Variants in ACAP3 observed in about 807,000 individuals in gnomAD.
ACAP3 encodes the protein ArfGAP with coiled-coil, ankyrin repeat and PH domains 3, also known as arf-GAP with coiled-coil, ANK repeat and PH domain-containing protein 3.
In ACAP3, 56 loss-of-function variants were observed where a neutral mutation model predicts 104.1. The observed-to-expected ratio is 0.54, with a 90% CI of 0.43 to 0.67. ACAP3 has a LOEUF of 0.67. Among genes scored for constraint, ACAP3 ranks in the 30% least tolerant of loss-of-function variants. The pLI is 0.00. For synonymous variants in ACAP3, 628 were observed against 496.2 expected (o/e 1.27, Z -3.53); for missense variants, 1,208 against 1,174.9 (o/e 1.03, Z -0.41).
At chr1:1,296,737 C>CA in intron 14 of ACAP3, 104 bp from the exon 15 acceptor site, 1 of 1,261,704 alleles carries the variant, frequency 7.9e-7, no homozygotes, top group Admixed American at 2.1e-5. Flanking sequence ...GGCCAGGGCC[C>CA]CTCGAGCACA....
intron 18 of ACAP3, 66 bp downstream of exon 18, chr1:1,295,670 C>T (rs2100408171): frequency 6.4e-7 from 1 of 1,552,558 alleles, no homozygotes; most frequent in Non-Finnish European, 8.7e-7. Flanking sequence ...GCCACCAGCC[C>T]CTTGACGGAG....
chr1:1,293,491 G>A lies in ACAP3; in HGVS notation c.*73C>T. 1 of 1,331,130 alleles carries A rather than the reference G, an allele frequency of 7.5e-7. No individual in the cohort carries two copies. Among genetic ancestry groups the A allele is most frequent in the Non-Finnish European group, 9.6e-7 (1 of 1,045,672 alleles). 82.5% of individuals were successfully genotyped at this position (1,331,130 alleles called of 1,614,324 possible). A position where few individuals can be genotyped will look rare whatever the true frequency, so the allele number is the denominator to read the frequency against. ...GGGTCACACGCAGGGCCGCGGCCGG[G>A]TGGGCGCCAGGGACTTCGGGGCATG... On this transcript the variant is annotated 3_prime_UTR_variant, in exon 24 of 24. Transcript: ENST00000354700.
rs1275932668 is a variant in ACAP3 at position 1,296,262 on chromosome 1, G to A, written c.1356C>T (p.Cys452=). ...SGIHRSLGVH[C]SKVRSLTLDS... ...CCAGCGTCAGGGACCGCACCTTGGA[G>A]CAGTGGACACCCAGGCTCCTGGAGA... The change falls in exon 16 of 24, where the codon TGC becomes TGT. Residue 452 remains cysteine (C), a synonymous_variant. Transcript: ENST00000354700. 1.9e-6 allele frequency: 3 copies of A among 1,560,210 alleles called. No homozygotes were observed. Among genetic ancestry groups the A allele is most frequent in the Non-Finnish European group, 2.6e-6 (3 of 1,152,370 alleles).
At position 1,303,993 on chromosome 1, in the gene ACAP3, T is replaced by G; in HGVS notation, c.105+93A>C. ...ACACGCATGCTCCACATATGGGGGG[T>G]GTAAGTGGCTTAGTAAGGCCTGGAG... On this transcript the variant is annotated intron_variant, in intron 2 of 23. Transcript: ENST00000354700. This position sits in a 1 kb window ranked among gnomAD's most constrained non-coding sequence, Gnocchi z 4.0. 7.0e-7 allele frequency: 1 copy of G among 1,437,538 alleles called. No individual in the cohort carries two copies. Among genetic ancestry groups the G allele is most frequent in the Non-Finnish European group, 9.5e-7 (1 of 1,052,106 alleles). 89.0% of individuals were successfully genotyped at this position (1,437,538 alleles called of 1,614,324 possible).
At chr1:1,297,105 A>G (rs532722806) in intron 14 of ACAP3, among the ~76,000 whole-genome samples, 2,381 of 132,226 alleles carry the variant, frequency 0.018, 26 homozygotes, top group Middle Eastern at 0.053. Context: ...AGTGGCACGT[A>G]GGTGTGTGCA....
intron 21 of ACAP3, 35 bp from the exon 22 acceptor site, chr1:1,294,234 C>A: frequency 6.5e-7 from 1 of 1,548,970 alleles, no homozygotes; most frequent in Non-Finnish European, 8.7e-7. Flanking sequence ...GGAGCCACGG[C>A]ACCGGCCCCT....
chr1:1,300,256 C>G, intron 6 of ACAP3, 54 bp from the exon 7 acceptor site: 2 of 1,540,392 alleles, frequency 1.3e-6, no homozygotes, highest in East Asian at 4.5e-5. Context: ...AGCCCCAAGC[C>G]CTGCACCTGC....
At chr1:1,304,456 G>T (rs991304359) in intron 1 of ACAP3, 8 of 500,626 alleles carry the variant, frequency 1.6e-5, no homozygotes, top group African/African-American at 1.6e-4. Context: ...GGCTGAGCCA[G>T]CCTCACCCGC....
At position 1,294,465 on chromosome 1, in the gene ACAP3, G is replaced by C. The variant is rs200117221; in HGVS notation, c.2076C>G (p.Ala692=). 6.4e-7 allele frequency: 1 copy of C among 1,560,212 alleles called. No homozygotes were observed. The highest frequency in any genetic ancestry group is 8.6e-7 in the Non-Finnish European group (1 of 1,159,634). Residue 692 remains alanine (A), a synonymous_variant, in exon 21 of 24, where the codon GCC becomes GCG. Transcript: ENST00000354700. ...PALAAALAHG[A]EVNWADAEDE... ...CCTCCGCGTCCGCCCAGTTGACCTCGGCCCCGTGGGCCAGCGCCGCCGCCA... is the reference window on the plus strand; with the variant it reads ...CCTCCGCGTCCGCCCAGTTGACCTCCGCCCCGTGGGCCAGCGCCGCCGCCA...
chr1:1,303,436 C>T lies in ACAP3; in HGVS notation c.106-155G>A. On this transcript the variant is annotated intron_variant, in intron 2 of 23. Transcript: ENST00000354700. The surrounding 1 kb of genome is among the most constrained non-coding windows in gnomAD (Gnocchi z 4.0). Reference sequence around the variant, plus strand: ...GTGCCCCGGTGCAGCTTCCTCACGCCTGGGCCTGCCTGGGGCTTGGAGGCC... The same window carrying T: ...GTGCCCCGGTGCAGCTTCCTCACGCTTGGGCCTGCCTGGGGCTTGGAGGCC... 3.7e-6 allele frequency: 2 copies of T among 542,444 alleles called. No homozygotes were observed. Among genetic ancestry groups the T allele is most frequent in the South Asian group, 1.9e-5 (1 of 51,998 alleles). 33.6% of individuals were successfully genotyped at this position (542,444 alleles called of 1,614,324 possible).
At chr1:1,302,150 G>T (rs2100463797) in intron 4 of ACAP3, 104 bp from the exon 5 acceptor site, 1 of 1,065,652 alleles carries the variant, frequency 9.4e-7, no homozygotes, top group Non-Finnish European at 1.3e-6. Flanking sequence ...AGGCCCAGAT[G>T]CAGGGGCGGG....
intron 21 of ACAP3, 45 bp downstream of exon 21, chr1:1,294,357 G>A (rs1002464452): frequency 4.4e-5 from 68 of 1,537,118 alleles, no homozygotes; most frequent in Non-Finnish European, 5.3e-5. Flanking sequence ...ATGCAAACGC[G>A]ACTGTGCACC....
intron 1 of ACAP3, chr1:1,304,404 C>G: frequency 7.0e-6 from 4 of 573,624 alleles, no homozygotes; most frequent in South Asian, 2.0e-5. Context: ...TCTCCCAGGA[C>G]AGCCGGCCGC....
At position 1,300,065 on chromosome 1, in the gene ACAP3, G is replaced by A; in HGVS notation, c.571C>T (p.Leu191=). 5.6e-6 allele frequency: 9 copies of A among 1,612,326 alleles called. No homozygotes were observed. Among genetic ancestry groups the A allele is most frequent in the Non-Finnish European group, 6.8e-6 (8 of 1,179,710 alleles). The change falls in exon 8 of 24, where the codon CTG becomes TTG. Residue 191 remains leucine, a synonymous_variant. Transcript: ENST00000354700. ...CTGGACTGGGCGTGCATGAAGGACA[G>A]CATCTGCGGGGGCAGCACAGGTGAG... ...KKKFEILDSM[L]SFMHAQSSFF... is the part of the protein sequence containing the mutation.
At chr1:1,307,331 C>T (rs1200353979) in intron 1 of ACAP3, 1 of 1,289,518 alleles carries the variant, frequency 7.8e-7, no homozygotes, top group African/African-American at 1.5e-5. Context: ...TTTCCAAGCA[C>T]CCTACCCCAG....
At chr1:1,298,921 G>T in intron 10 of ACAP3, 1 of 572,592 alleles carries the variant, frequency 1.7e-6, no homozygotes, top group Non-Finnish European at 3.1e-6. Context: ...CGAGAGTGCC[G>T]GCCCCACCCC....
intron 1 of ACAP3, 72 bp downstream of exon 1, chr1:1,307,697 C>G: frequency 9.4e-7 from 1 of 1,065,378 alleles, no homozygotes; most frequent in Non-Finnish European, 1.1e-6. Flanking sequence ...ACCTCCCCAC[C>G]CCGCCGCCGG....
chr1:1,298,833 C>A, intron 10 of ACAP3, 154 bp from the exon 11 acceptor site: 1 of 644,686 alleles, frequency 1.6e-6, no homozygotes, highest in South Asian at 1.8e-5. Flanking sequence ...CTGTTCACCA[C>A]AGCCACTTCT....
chr1:1,307,640 C>T, intron 1 of ACAP3, 129 bp downstream of exon 1: 1 of 962,848 alleles, frequency 1.0e-6, no homozygotes, highest in Non-Finnish European at 1.3e-6. Flanking sequence ...TTGTCCGAGG[C>T]CGGTCCTCCA....
Sources: gnomAD v4.1 joint callset for allele counts (sites outside exome capture counted in the v4.1 genomes callset) on GRCh38, gnomAD v4.1.1 for gene constraint, Gnocchi (gnomAD v3.1) non-coding constraint, MANE v1.5 for transcripts, NCBI Gene and HGNC (gene_info 2026-07-23, HGNC 2026-07-21) for gene names.